The following TOGARAM1 variants were observed in gnomAD, a reference collection of about 807,000 sequenced individuals.
TOGARAM1 encodes TOG array regulator of axonemal microtubules 1.
TOGARAM1 carries 100 observed loss-of-function variants against 166.6 expected under a neutral mutation model. The ratio of observed to expected loss-of-function variants is 0.60; its 90% CI spans 0.51 to 0.71. The LOEUF is 0.71. TOGARAM1 is among the 30% of genes least tolerant of loss of function. The pLI, the probability that TOGARAM1 is intolerant of heterozygous loss-of-function variation, is 0.00. For synonymous variants in TOGARAM1, 758 were observed against 763.8 expected (o/e 0.99, Z 0.13); for missense variants, 2,029 against 2,102.7 (o/e 0.96, Z 0.69).
At chr14:45,011,465 G>A (rs116441958) in intron 6 of TOGARAM1, among the ~76,000 whole-genome samples, 5,045 of 151,882 alleles carry the variant, frequency 0.033, 271 homozygotes, top group African/African-American at 0.11. Flanking sequence ...GGTGTGCACC[G>A]CCATGCCTGG....
At chr14:44,975,256 G>A (rs76770586) in intron 1 of TOGARAM1, among the ~76,000 whole-genome samples, 1 of 151,996 alleles carries the variant, frequency 6.6e-6, no homozygotes, top group Non-Finnish European at 1.5e-5. Flanking sequence ...CCCCCACCAG[G>A]TGAAAGCCTA....
At chr14:45,053,151 G>A (rs1246185101) in intron 15 of TOGARAM1, among the ~76,000 whole-genome samples, 2 of 149,874 alleles carry the variant, frequency 1.3e-5, no homozygotes, top group Non-Finnish European at 2.9e-5. Context: ...CGATTCTCCT[G>A]CCTCAGCCTC....
intron 12 of TOGARAM1, 24 bp from the exon 13 acceptor site, chr14:45,044,611 T>C: frequency 6.6e-7 from 1 of 1,518,238 alleles, no homozygotes; most frequent in Non-Finnish European, 9.0e-7. Flanking sequence ...ATCAGCAAAA[T>C]GTACATTTTG....
intron 7 of TOGARAM1, among the ~76,000 whole-genome samples, chr14:45,016,888 A>T (rs1003170030): frequency 6.6e-6 from 1 of 152,136 alleles, no homozygotes; most frequent in Non-Finnish European, 1.5e-5. Context: ...AAGTTGAGAT[A>T]GGTTTAGAGG....
At chr14:45,054,136 G>A (rs1012353300) in intron 15 of TOGARAM1, among the ~76,000 whole-genome samples, 1 of 152,126 alleles carries the variant, frequency 6.6e-6, no homozygotes, top group African/African-American at 2.4e-5. Context: ...CTCCCAAAGT[G>A]CTGGGATTAC....
intron 11 of TOGARAM1, among the ~76,000 whole-genome samples, chr14:45,033,903 C>T (rs1186701309): frequency 6.6e-6 from 1 of 152,158 alleles, no homozygotes; most frequent in Non-Finnish European, 1.5e-5. Context: ...TGGCTCATGC[C>T]TGTAATCTCA....
rs764619463 is a variant in TOGARAM1 at position 44,963,196 on chromosome 14, T to C, written c.775T>C (p.Ser259Pro). Residue 259 changes from serine to proline, a missense_variant, in exon 1 of 20, where the codon TCC becomes CCC. By Grantham distance (74) the Ser-to-Pro change is moderately conservative. Transcript: ENST00000361462. ...LGLDLTEVIISLARKLGDQET... is the reference protein window; with the variant it reads ...LGLDLTEVIIPLARKLGDQET... The stretch of plus-strand genomic sequence containing the variant: ...TCTGGATCTCACCGAGGTGATAATA[T>C]CCCTAGCCCGAAAGCTTGGTGATCA... 94 of 1,614,044 alleles carry C rather than the reference T, an allele frequency of 5.8e-5. No homozygotes were observed. The highest frequency in any genetic ancestry group is 1.6e-4 in the Middle Eastern group (1 of 6,084).
intron 7 of TOGARAM1, among the ~76,000 whole-genome samples, chr14:45,017,089 T>G (rs79964639): frequency 6.6e-6 from 1 of 152,176 alleles, no homozygotes; most frequent in African/African-American, 2.4e-5. Flanking sequence ...CCCAAGACAT[T>G]GTAAGCCTAC....
chr14:45,044,896 G>T, intron 13 of TOGARAM1, 26 bp downstream of exon 13: 1 of 1,534,524 alleles, frequency 6.5e-7, no homozygotes, highest in East Asian at 2.3e-5. Context: ...ACCTTGAAAT[G>T]TCTTTAAACA....
rs1879415754 is a variant in TOGARAM1 at position 45,006,190 on chromosome 14, T to C, written c.2827T>C (p.Trp943Arg). The C allele has an allele frequency of 6.2e-7, 1 of 1,613,930 alleles. No homozygotes were observed. The highest frequency in any genetic ancestry group is 8.5e-7 in the Non-Finnish European group (1 of 1,179,864). The part of the protein sequence containing the change: ...GHKKKEPDDI[W>R]KCEKDSLPID... ...CAAAAAGAAAGAGCCTGATGATATT[T>C]GGAAGTGTGAAAAAGATAGTCTTCC... Residue 943 changes from tryptophan (W) to arginine (R), a missense_variant, in exon 5 of 20, where the codon TGG (tryptophan) becomes CGG (arginine). Physicochemically the swap from Trp to Arg is moderately radical, Grantham distance 101 (BLOSUM62 -3). Transcript: ENST00000361462.
chr14:44,966,286 A>C (rs1357984527), intron 1 of TOGARAM1, among the ~76,000 whole-genome samples: 11 of 151,074 alleles, frequency 7.3e-5, no homozygotes, highest in Admixed American at 7.2e-4. Flanking sequence ...AGCCTGGCCA[A>C]CATGGTGAAA....
At chr14:44,980,252 T>C (rs75121536) in intron 1 of TOGARAM1, among the ~76,000 whole-genome samples, 1 of 152,212 alleles carries the variant, frequency 6.6e-6, no homozygotes, top group African/African-American at 2.4e-5. Flanking sequence ...CATGTAGGAT[T>C]GGTTAGTGAC....
At chr14:44,989,298 A>G (rs1396609767) in intron 1 of TOGARAM1, among the ~76,000 whole-genome samples, 1 of 152,198 alleles carries the variant, frequency 6.6e-6, no homozygotes, top group Non-Finnish European at 1.5e-5. Context: ...TCTAATTTAT[A>G]ATTAAATAAA....
intron 6 of TOGARAM1, among the ~76,000 whole-genome samples, chr14:45,009,480 T>C (rs1014024109): frequency 6.6e-6 from 1 of 152,222 alleles, no homozygotes; most frequent in African/African-American, 2.4e-5. Flanking sequence ...CCTTTGCCAG[T>C]TGATCTATAG....
chr14:44,971,783 A>G (rs935152711), intron 1 of TOGARAM1, among the ~76,000 whole-genome samples: 2 of 152,136 alleles, frequency 1.3e-5, no homozygotes, highest in Non-Finnish European at 2.9e-5. Context: ...TTCACTTGAG[A>G]TTTCTTTGAC....
At chr14:44,986,577 A>C (rs548575453) in intron 1 of TOGARAM1, among the ~76,000 whole-genome samples, 1 of 152,028 alleles carries the variant, frequency 6.6e-6, no homozygotes, top group Admixed American at 6.6e-5. Flanking sequence ...GATTACAGGC[A>C]TGAGCCACCA....
Position 45,046,714 on chromosome 14 carries a change from G to A in TOGARAM1, c.4313+11G>A, listed in dbSNP as rs771534041. On this transcript the variant is annotated intron_variant, in intron 14 of 19. Coordinates refer to ENST00000361462, the MANE Select transcript of TOGARAM1 (RefSeq NM_001308120.2). ...TTCACAAGAAACCAGGTGAATATCT[G>A]CTAATGTTTGCTAAATCTATTATTA... The A allele has an allele frequency of 5.5e-6, 7 of 1,262,078 alleles. No individual in the cohort carries two copies. Among genetic ancestry groups the A allele is most frequent in the Non-Finnish European group, 7.0e-6 (7 of 994,454 alleles). The allele number at this position is 1,262,078 out of a possible 1,614,324, so 78.2% of individuals were successfully genotyped here.
At chr14:44,985,470 T>C (rs1180324038) in intron 1 of TOGARAM1, among the ~76,000 whole-genome samples, 2 of 152,198 alleles carry the variant, frequency 1.3e-5, no homozygotes, top group African/African-American at 4.8e-5. Flanking sequence ...GGGGATGGTT[T>C]CAGGATGAAC....
chr14:45,067,846 G>C (rs1211222946), intron 17 of TOGARAM1, among the ~76,000 whole-genome samples: 1 of 152,060 alleles, frequency 6.6e-6, no homozygotes, highest in Admixed American at 6.6e-5. Context: ...GGATTGTTTA[G>C]CATTCACTTT....
Sources: gnomAD v4.1 joint callset for allele counts (sites outside exome capture counted in the v4.1 genomes callset) on GRCh38, gnomAD v4.1.1 for gene constraint, MANE v1.5 for transcripts, NCBI Gene and HGNC (gene_info 2026-07-23, HGNC 2026-07-21) for gene names.